Variants in TERF2 observed in about 807,000 individuals in gnomAD.
The protein encoded by TERF2 is telomeric repeat-binding factor 2.
In TERF2, 16 loss-of-function variants were observed where a neutral mutation model predicts 56.1. The observed-to-expected ratio is 0.29, with a 90% CI of 0.19 to 0.43. The LOEUF (loss-of-function observed/expected upper bound fraction) is 0.43, where lower values mean the gene tolerates loss of function less well. Ranked by LOEUF, TERF2 falls within the 20% of genes least tolerant of loss-of-function variation. TERF2 has a pLI of 1.00. For missense variants in TERF2, 547 were observed against 712.9 expected, an observed-to-expected ratio of 0.77 and a Z score of 2.65; for synonymous variants, 296 against 282.1, an observed-to-expected ratio of 1.05 and a Z score of -0.50.
chr16:69,357,495 C>A, intron 9 of TERF2, 23 bp downstream of exon 9: 1 of 1,605,580 alleles, frequency 6.2e-7, no homozygotes, highest in Non-Finnish European at 8.5e-7. Flanking sequence ...TAACCAGTAA[C>A]AGAAAAGAGA....
chr16:69,370,994 TACAC>T (rs113222809), intron 4 of TERF2, among the ~76,000 whole-genome samples: 58 of 147,768 alleles, frequency 3.9e-4, no homozygotes, highest in Admixed American at 9.5e-4. Flanking sequence ...TGGATGTCTG[TACAC>T]ACACACACAC....
intron 3 of TERF2, among the ~76,000 whole-genome samples, chr16:69,377,484 T>C (rs2013838285): frequency 6.6e-6 from 1 of 152,048 alleles, no homozygotes; most frequent in Admixed American, 6.5e-5. Flanking sequence ...CATGCCACCA[T>C]GCCCAGCTAA....
chr16:69,366,677 G>T, intron 7 of TERF2, 130 bp downstream of exon 7: 1 of 1,262,126 alleles, frequency 7.9e-7, no homozygotes, highest in Non-Finnish European at 1.1e-6. Flanking sequence ...CCTGCGTCAA[G>T]TTCTAGCAGT....
intron 3 of TERF2, among the ~76,000 whole-genome samples, chr16:69,375,042 A>C (rs1194427017): frequency 6.6e-6 from 1 of 152,094 alleles, no homozygotes; most frequent in Non-Finnish European, 1.5e-5. Flanking sequence ...GGCTCCTTTC[A>C]CTCTGTATAA....
At chr16:69,382,551 T>C (rs1470399696) in intron 3 of TERF2, among the ~76,000 whole-genome samples, 1 of 152,194 alleles carries the variant, frequency 6.6e-6, no homozygotes, top group East Asian at 1.9e-4. Context: ...ATGGTGGAAG[T>C]GATAATGTGT....
intron 3 of TERF2, among the ~76,000 whole-genome samples, chr16:69,379,635 T>C (rs1380957167): frequency 1.3e-5 from 2 of 152,206 alleles, no homozygotes; most frequent in African/African-American, 4.8e-5. Context: ...TCTGTTTATG[T>C]AGGTTATATT....
chr16:69,382,903 T>A (rs1406625328), intron 3 of TERF2, among the ~76,000 whole-genome samples: 3 of 152,202 alleles, frequency 2.0e-5, no homozygotes, highest in African/African-American at 7.2e-5. Context: ...TGGAGTAACT[T>A]GTTACACTGC....
chr16:69,358,178 A>G (rs918267855), intron 8 of TERF2, among the ~76,000 whole-genome samples: 1 of 152,116 alleles, frequency 6.6e-6, no homozygotes, highest in African/African-American at 2.4e-5. Flanking sequence ...ACGCCCGGCT[A>G]ATTTTTTTGT....
At position 69,366,790 on chromosome 16, in the gene TERF2, AAAG is replaced by A. The variant is rs1279537939; in HGVS notation, c.1340+14_1340+16del. On this transcript the variant is annotated intron_variant, in intron 7 of 9. Coordinates refer to ENST00000254942, the MANE Select transcript of TERF2 (RefSeq NM_005652.5). ...CACCAACCAGCCCCAAAATTTCTAC[AAAG>A]AAGGTCTTCATACTTGGGATTCTTC... The A allele has an allele frequency of 4.4e-6, 7 of 1,582,944 alleles. No individual in the cohort carries two copies. The highest frequency in any genetic ancestry group is 6.0e-6 in the Non-Finnish European group (7 of 1,164,566).
At chr16:69,358,648 C>G (rs1418610742) in intron 8 of TERF2, among the ~76,000 whole-genome samples, 1 of 152,118 alleles carries the variant, frequency 6.6e-6, no homozygotes, top group Non-Finnish European at 1.5e-5. Flanking sequence ...GATGGTAGAG[C>G]CTAGGCTCTA....
rs184748125 is a variant in TERF2 at position 69,376,674 on chromosome 16, G to C, written c.607-4319C>G. ...CAGACTGTGCAATATGGGAACACAGGGAGACCCCATCTTTACCAAAAAAAA... is the reference window on the plus strand; with the variant it reads ...CAGACTGTGCAATATGGGAACACAGCGAGACCCCATCTTTACCAAAAAAAA... On this transcript the variant is annotated intron_variant, in intron 3 of 9. Transcript: ENST00000254942. Among the ~76,000 whole-genome samples, 11 of 148,164 alleles carry C rather than the reference G, an allele frequency of 7.4e-5. No homozygotes were observed. In the East Asian group the frequency reaches 2.0e-3, roughly 26 times the overall value.
At chr16:69,370,071 T>A (rs927875598) in intron 5 of TERF2, 1 of 192,032 alleles carries the variant, frequency 5.2e-6, no homozygotes. Flanking sequence ...TGCTCTGTTG[T>A]CCAGGCTGGA....
Position 69,367,021 on chromosome 16 carries a change from C to G in TERF2, c.1126G>C (p.Asp376His), listed in dbSNP as rs1374799981. 1 of 1,614,242 alleles carries G rather than the reference C, an allele frequency of 6.2e-7. No homozygotes were observed. The highest frequency in any genetic ancestry group is 8.5e-7 in the Non-Finnish European group (1 of 1,180,030). ...PALKNKRPRK[D>H]ENESSAPADG... ...GCCGGGGCTGAACTTTCGTTTTCAT[C>G]TTTTCTGGGTCTCTTGTTTTTGAGG... Residue 376 changes from aspartate (D) to histidine (H), a missense_variant, in exon 7 of 10, where the codon GAT (aspartate) becomes CAT (histidine). Coordinates refer to ENST00000254942, the MANE Select transcript of TERF2 (RefSeq NM_005652.5).
chr16:69,371,171 G>A (rs1302302442), intron 4 of TERF2, among the ~76,000 whole-genome samples: 1 of 152,028 alleles, frequency 6.6e-6, no homozygotes, highest in Non-Finnish European at 1.5e-5. Context: ...TCTGTATTAT[G>A]TACATGTATT....
chr16:69,378,986 T>C (rs1423457753), intron 3 of TERF2, among the ~76,000 whole-genome samples: 2 of 152,124 alleles, frequency 1.3e-5, no homozygotes, highest in African/African-American at 4.8e-5. Context: ...ATCACTGCTT[T>C]TTCACTTGGC....
At chr16:69,370,942 A>C (rs556907165) in intron 4 of TERF2, among the ~76,000 whole-genome samples, 2 of 152,038 alleles carry the variant, frequency 1.3e-5, no homozygotes, top group African/African-American at 4.8e-5. Context: ...AGGATATGCT[A>C]TCACGTATGT....
At chr16:69,385,208 G>C (rs539678168) in intron 2 of TERF2, among the ~76,000 whole-genome samples, 183 bp downstream of exon 2, 1 of 151,974 alleles carries the variant, frequency 6.6e-6, no homozygotes, top group Admixed American at 6.6e-5. Context: ...AAGCAGCCAA[G>C]ACAACCTTAA....
chr16:69,370,541 T>C lies in TERF2; in HGVS notation c.782A>G (p.Gln261Arg). 1 of 1,614,248 alleles carries C rather than the reference T, an allele frequency of 6.2e-7. No homozygotes were observed. The highest frequency in any genetic ancestry group is 8.5e-7 in the Non-Finnish European group (1 of 1,180,046). Residue 261 changes from glutamine to arginine, a missense_variant, in exon 5 of 10, where the codon CAG (glutamine) becomes CGG (arginine). Transcript: ENST00000254942. ...IQNFSYETFQ[Q>R]KMLRFLESHL... is the part of the protein sequence containing the mutation. ...GCTCTCCAGGAAGCGCAGCATCTTCTGCTGGAAGGTCTCATATGAAAAGTT... is the reference window on the plus strand; with the variant it reads ...GCTCTCCAGGAAGCGCAGCATCTTCCGCTGGAAGGTCTCATATGAAAAGTT...
chr16:69,384,355 G>A (rs2014111004), intron 3 of TERF2, among the ~76,000 whole-genome samples: 1 of 152,102 alleles, frequency 6.6e-6, no homozygotes, highest in South Asian at 2.1e-4. Context: ...AAAGCCACAA[G>A]GAAGACCACC....
Sources: gnomAD v4.1 joint callset for allele counts (sites outside exome capture counted in the v4.1 genomes callset) on GRCh38, gnomAD v4.1.1 for gene constraint, MANE v1.5 for transcripts, NCBI Gene and HGNC (gene_info 2026-07-23, HGNC 2026-07-21) for gene names.